Variants in PDZD2 observed in about 807,000 individuals in gnomAD.
PDZD2 encodes PDZ domain-containing protein 2.
PDZD2 carries 90 observed loss-of-function variants against 220.7 expected under a neutral mutation model. The ratio of observed to expected loss-of-function variants is 0.41; its 90% CI spans 0.34 to 0.49. The LOEUF is 0.49. Ranked by LOEUF, PDZD2 falls within the 20% of genes least tolerant of loss-of-function variation. PDZD2 has a pLI of 0.28. For missense variants in PDZD2, 3,174 were observed against 3,608.5 expected, an observed-to-expected ratio of 0.88 and a Z score of 3.08; for synonymous variants, 1,375 against 1,450.5, an observed-to-expected ratio of 0.95 and a Z score of 1.18.
intron 1 of PDZD2, among the ~76,000 whole-genome samples, chr5:31,682,149 G>A (rs910604277): frequency 1.3e-5 from 2 of 152,192 alleles, no homozygotes; most frequent in Non-Finnish European, 2.9e-5. Flanking sequence ...GGGTAGCAAT[G>A]ATGGTCTGAA....
In PDZD2 at chr5:31,924,326, A is replaced by G. The variant is rs184200494; in HGVS notation, c.477-58829A>G. On this transcript the variant is annotated intron_variant, in intron 2 of 24. Coordinates refer to ENST00000438447, the MANE Select transcript of PDZD2 (RefSeq NM_178140.4). ...CGGTGCCAATTAGGTGGACTGTGCT[A>G]GAATGTAATTGTCTCCAGGTACAGC... Among the ~76,000 whole-genome samples the G allele has an allele frequency of 2.3e-3, 357 of 152,338 alleles. 1 individual carries two copies. Among genetic ancestry groups the G allele is most frequent in the African/African-American group, 8.3e-3 (347 of 41,586 alleles).
At chr5:31,908,082 C>CAAAAAAAAAAAAAAAA (rs55741622) in intron 2 of PDZD2, among the ~76,000 whole-genome samples, 6 of 76,886 alleles carry the variant, frequency 7.8e-5, no homozygotes, top group African/African-American at 3.3e-4. Context: ...GGCTCCGTCT[C>CAAAAAAAAAAAAAAAA]AAAAAAAAAA....
At chr5:31,771,794 G>A (rs1346559991) in intron 1 of PDZD2, among the ~76,000 whole-genome samples, 1 of 152,198 alleles carries the variant, frequency 6.6e-6, no homozygotes, top group African/African-American at 2.4e-5. Flanking sequence ...AGAGTGATTG[G>A]ATGTAGTTAG....
chr5:31,925,022 T>G (rs1396559647), intron 2 of PDZD2, among the ~76,000 whole-genome samples: 1 of 152,184 alleles, frequency 6.6e-6, no homozygotes, highest in African/African-American at 2.4e-5. Flanking sequence ...AAACTACCCC[T>G]AACTCAAAGG....
chr5:32,107,836 T>C (rs532688622), intron 24 of PDZD2, 133 bp from the exon 25 acceptor site: 262 of 544,872 alleles, frequency 4.8e-4, no homozygotes, highest in African/African-American at 4.5e-3. Flanking sequence ...CTTTTTGTGT[T>C]CTAAGAAATA....
intron 6 of PDZD2, among the ~76,000 whole-genome samples, chr5:32,018,230 G>A (rs1190944090): frequency 6.6e-6 from 1 of 152,216 alleles, no homozygotes; most frequent in Non-Finnish European, 1.5e-5. Context: ...AGGTCTGAGT[G>A]GAGTAGGGCC....
At chr5:31,791,563 C>T (rs551659220) in intron 1 of PDZD2, among the ~76,000 whole-genome samples, 7 of 126,758 alleles carry the variant, frequency 5.5e-5, no homozygotes, top group African/African-American at 2.1e-4. Context: ...GCACTCCAGC[C>T]TGGGCAACAA....
intron 2 of PDZD2, among the ~76,000 whole-genome samples, chr5:31,920,441 T>C (rs1434175827): frequency 2.6e-5 from 4 of 151,172 alleles, no homozygotes; most frequent in South Asian, 2.1e-4. Context: ...TGAACCTCCA[T>C]TGACATCTTA....
At chr5:32,039,570 G>A (rs989732040) in intron 7 of PDZD2, among the ~76,000 whole-genome samples, 11 of 151,706 alleles carry the variant, frequency 7.3e-5, no homozygotes, top group African/African-American at 1.7e-4. Context: ...GCCACCCATC[G>A]TCTGGGATGT....
rs13359642 is a variant in PDZD2 at position 31,856,165 on chromosome 5, G to T, written c.476+56441G>T. On this transcript the variant is annotated intron_variant, in intron 2 of 24. Transcript: ENST00000438447. ...CTCAATTCAACTTTGCAGGTGAATT[G>T]CAAGGGCCTCATCTCGTCCCCAGCT... 8.1e-3 allele frequency among the ~76,000 whole-genome samples: 1,227 copies of T among 152,270 alleles called. 23 individuals are homozygous for T. The highest frequency in any genetic ancestry group is 0.028 in the African/African-American group (1,177 of 41,554).
In PDZD2 at chr5:32,053,796, C is replaced by T. The variant is rs1738818080; in HGVS notation, c.1813C>T (p.Arg605Ter). The T allele has an allele frequency of 6.2e-7, 1 of 1,611,852 alleles. No homozygotes were observed. Reference protein sequence around the residue: ...KGLGFSIAGGRDCIRGQMGIF... With the variant: ...KGLGFSIAGG ...CCTTGGCTTTAGTATTGCTGGAGGT[C>T]GAGACTGCATTCGTGGACAGATGGG... The change falls in exon 10 of 25, where the codon CGA (arginine) becomes TGA (stop). Residue 605 changes from arginine (R) to a stop codon, truncating the protein, a stop_gained. Transcript: ENST00000438447. LOFTEE classifies it high-confidence loss of function.
chr5:31,984,022 T>TCACCAGTGGAATCGCTGCTGC (rs1430492324), intron 3 of PDZD2, among the ~76,000 whole-genome samples: 6 of 152,222 alleles, frequency 3.9e-5, no homozygotes, highest in Non-Finnish European at 5.9e-5. Context: ...ATCGCTGCTG[T>TCACCAGTGGAATCGCTGCTGC]CACCAGTGGA....
intron 1 of PDZD2, among the ~76,000 whole-genome samples, chr5:31,709,130 C>A (rs1265484839): frequency 6.6e-6 from 1 of 152,094 alleles, no homozygotes; most frequent in Non-Finnish European, 1.5e-5. Flanking sequence ...TCATGATCCG[C>A]CCACCTCAGC....
intron 4 of PDZD2, among the ~76,000 whole-genome samples, chr5:31,999,289 T>TTTTG (rs1554021740): frequency 6.7e-6 from 1 of 149,528 alleles, no homozygotes; most frequent in Non-Finnish European, 1.5e-5. Context: ...TGTTTTTTTT[T>TTTTG]TTTGTTTGTT....
intron 1 of PDZD2, among the ~76,000 whole-genome samples, chr5:31,777,818 A>G (rs1752794516): frequency 6.6e-6 from 1 of 152,218 alleles, no homozygotes; most frequent in African/African-American, 2.4e-5. Context: ...CTCTGTATCT[A>G]GCTAATCTGG....
At chr5:31,981,583 C>G (rs1015159143) in intron 2 of PDZD2, among the ~76,000 whole-genome samples, 5 of 152,210 alleles carry the variant, frequency 3.3e-5, no homozygotes, top group Non-Finnish European at 7.3e-5. Context: ...GTCTGTTTAC[C>G]TGCAGTCATC....
chr5:32,093,571 G>A (rs1378591139), intron 21 of PDZD2, among the ~76,000 whole-genome samples: 2 of 152,146 alleles, frequency 1.3e-5, no homozygotes, highest in East Asian at 1.9e-4. Context: ...ACTGTTGACC[G>A]GAAACCTTAC....
At chr5:32,104,362 ATT>A (rs1243352634) in intron 24 of PDZD2, among the ~76,000 whole-genome samples, 2 of 146,934 alleles carry the variant, frequency 1.4e-5, no homozygotes, top group African/African-American at 5.0e-5. Flanking sequence ...ATAATAAAGA[ATT>A]TTTTTTTTTT....
In PDZD2 at chr5:31,774,188, T is replaced by C. The variant is rs138253530; in HGVS notation, c.-360-24701T>C. Among the ~76,000 whole-genome samples the C allele has an allele frequency of 9.3e-4, 142 of 152,236 alleles. 1 individual carries two copies. Among genetic ancestry groups the C allele is most frequent in the African/African-American group, 3.2e-3 (133 of 41,550 alleles). ...CCTGGCATCTGCTCACCCGTTCTTATTTCCCAGAGTTCTACTTGACCTGTG... is the reference window on the plus strand; with the variant it reads ...CCTGGCATCTGCTCACCCGTTCTTACTTCCCAGAGTTCTACTTGACCTGTG... On this transcript the variant is annotated intron_variant, in intron 1 of 24. Coordinates refer to ENST00000438447, the MANE Select transcript of PDZD2 (RefSeq NM_178140.4).
Sources: allele counts gnomAD v4.1 joint callset (sites outside exome capture counted in the v4.1 genomes callset), GRCh38; gene constraint gnomAD v4.1.1; transcripts MANE v1.5; gene names NCBI Gene and HGNC (gene_info 2026-07-23, HGNC 2026-07-21).